ABI3BP: variants seen among roughly 807,000 people sequenced by gnomAD.
ABI3BP encodes the protein target of Nesh-SH3.
ABI3BP carries 216 observed loss-of-function variants against 268.6 expected under a neutral mutation model. The observed-to-expected ratio is 0.80, with a 90% CI of 0.72 to 0.90. ABI3BP has a LOEUF of 0.90. Ranked by LOEUF, ABI3BP falls within the 40% of genes least tolerant of loss-of-function variation. The probability of loss-of-function intolerance (pLI) is 0.00; values close to 1 mark genes in which losing one functional copy is unlikely to be tolerated. For synonymous variants in ABI3BP, 730 were observed against 730.0 expected (o/e 1.00, Z 0.00); for missense variants, 2,090 against 2,182.4 (o/e 0.96, Z 0.84).
intron 27 of ABI3BP, among the ~76,000 whole-genome samples, chr3:100,836,013 A>G (rs573230613): frequency 1.4e-4 from 21 of 152,276 alleles, no homozygotes; most frequent in African/African-American, 4.6e-4. Flanking sequence ...AAAAGTTTTC[A>G]CCACCATTAT....
chr3:100,902,644 G>T lies in ABI3BP; in HGVS notation c.302C>A (p.Pro101His), dbSNP rs762572353. The T allele has an allele frequency of 6.2e-7, 1 of 1,613,920 alleles. No individual in the cohort carries two copies. The highest frequency in any genetic ancestry group is 1.7e-5 in the Admixed American group (1 of 60,020). Reference sequence around the variant, plus strand: ...TGAACATGACTTCTTTTGACTTGGAGGTGGAGCAGGTCGCACAACTATCAG... The same window carrying T: ...TGAACATGACTTCTTTTGACTTGGATGTGGAGCAGGTCGCACAACTATCAG... ...KYLIVVRPAP[P>H]PSQKKSCSGK... The change falls in exon 3 of 68, where the codon CCT (proline) becomes CAT (histidine). Residue 101 changes from proline (P) to histidine (H), a missense_variant. Coordinates refer to ENST00000471714, the MANE Select transcript of ABI3BP (RefSeq NM_001375547.2).
intron 63 of ABI3BP, among the ~76,000 whole-genome samples, chr3:100,757,611 T>C (rs1311601013): frequency 6.6e-6 from 1 of 152,240 alleles, no homozygotes. Context: ...TTTATTTCTT[T>C]AGTGCTACAA....
chr3:100,794,773 T>C, intron 54 of ABI3BP, 150 bp downstream of exon 54: 1 of 615,940 alleles, frequency 1.6e-6, no homozygotes, highest in South Asian at 2.1e-5. Flanking sequence ...TTAGGACAAA[T>C]ACACAGTTAA....
At chr3:100,894,753 C>T (rs895507714) in intron 4 of ABI3BP, among the ~76,000 whole-genome samples, 1 of 151,714 alleles carries the variant, frequency 6.6e-6, no homozygotes. Context: ...TCCTGGCTAA[C>T]ACGGTGAAAC....
At chr3:100,975,254 G>T (rs1027801987) in intron 1 of ABI3BP, among the ~76,000 whole-genome samples, 2 of 152,102 alleles carry the variant, frequency 1.3e-5, no homozygotes, top group Non-Finnish European at 2.9e-5. Flanking sequence ...ATTAGAAGAT[G>T]CTTCCTTGTA....
intron 1 of ABI3BP, among the ~76,000 whole-genome samples, chr3:100,979,647 A>C (rs1228853725): frequency 6.6e-6 from 1 of 152,238 alleles, no homozygotes; most frequent in Non-Finnish European, 1.5e-5. Context: ...GAAACCTTAC[A>C]GATGACATCT....
At chr3:100,884,528 C>CT (rs796231090) in intron 6 of ABI3BP, among the ~76,000 whole-genome samples, 2 of 152,102 alleles carry the variant, frequency 1.3e-5, no homozygotes, top group East Asian at 3.9e-4. Context: ...ACCAATCTTC[C>CT]TTTTTTTGTT....
At position 100,757,928 on chromosome 3, in the gene ABI3BP, AAATT is replaced by A. The variant is rs2095712772; in HGVS notation, c.4851-3241_4851-3238del. ...AAAACTGTACATATATTTCTGATGA[AAATT>A]AAAGAACTATAAGACCTACCACATC... is the stretch of plus-strand genomic sequence containing the variant. On this transcript the variant is annotated intron_variant, in intron 63 of 67. Transcript: ENST00000471714. 2.6e-5 allele frequency among the ~76,000 whole-genome samples: 4 copies of A among 152,286 alleles called. No homozygotes were observed. In the South Asian group the frequency reaches 8.3e-4, roughly 32 times the overall value.
chr3:100,868,612 C>G (rs2099077409), intron 9 of ABI3BP, among the ~76,000 whole-genome samples: 1 of 152,164 alleles, frequency 6.6e-6, no homozygotes, highest in Non-Finnish European at 1.5e-5. Flanking sequence ...TCAATCCCTA[C>G]TTGATAAAGG....
intron 6 of ABI3BP, among the ~76,000 whole-genome samples, chr3:100,878,100 TAATC>T (rs1400504189): frequency 1.3e-5 from 2 of 152,234 alleles, no homozygotes; most frequent in Non-Finnish European, 2.9e-5. Context: ...CCTAAGGAAT[TAATC>T]AAAGACAGTG....
intron 58 of ABI3BP, among the ~76,000 whole-genome samples, chr3:100,779,668 A>G (rs1233419222): frequency 1.3e-5 from 2 of 152,078 alleles, no homozygotes; most frequent in South Asian, 2.1e-4. Context: ...TGACATTAAT[A>G]AAAGTCTTTA....
At chr3:100,816,186 A>G in intron 43 of ABI3BP, 1 of 517,160 alleles carries the variant, frequency 1.9e-6, no homozygotes, top group Non-Finnish European at 3.4e-6. Context: ...TCTGTTACAT[A>G]TCTTGATATT....
intron 51 of ABI3BP, among the ~76,000 whole-genome samples, chr3:100,803,070 T>A (rs2097576159): frequency 6.8e-6 from 1 of 146,026 alleles, no homozygotes; most frequent in Non-Finnish European, 1.6e-5. Flanking sequence ...AGAACCCTGA[T>A]CATATGGCAG....
intron 1 of ABI3BP, among the ~76,000 whole-genome samples, chr3:100,979,635 C>T (rs1042919042): frequency 3.3e-5 from 5 of 152,168 alleles, no homozygotes; most frequent in African/African-American, 4.8e-5. Flanking sequence ...TGGGACACCA[C>T]GGAAACCTTA....
chr3:100,873,434 G>A (rs1405688260), intron 9 of ABI3BP, among the ~76,000 whole-genome samples: 1 of 152,086 alleles, frequency 6.6e-6, no homozygotes, highest in Non-Finnish European at 1.5e-5. Flanking sequence ...GGCAGGGAGG[G>A]AAAGGGGGAA....
intron 19 of ABI3BP, among the ~76,000 whole-genome samples, chr3:100,846,760 CTAAT>C (rs2152990542): frequency 6.6e-6 from 1 of 152,198 alleles, no homozygotes; most frequent in Admixed American, 6.5e-5. Flanking sequence ...AAAAATCAGT[CTAAT>C]TATTTTGCAC....
At chr3:100,862,486 G>T (rs2099009105) in intron 13 of ABI3BP, 101 bp from the exon 14 acceptor site, 1 of 724,464 alleles carries the variant, frequency 1.4e-6, no homozygotes, top group Non-Finnish European at 2.3e-6. Context: ...GCTACCAGAA[G>T]CCTGCAGTAT....
At chr3:100,800,449 G>A (rs2152324622) in intron 51 of ABI3BP, among the ~76,000 whole-genome samples, 1 of 152,220 alleles carries the variant, frequency 6.6e-6, no homozygotes, top group Admixed American at 6.5e-5. Flanking sequence ...CATATGGCCA[G>A]GAATGTAGTC....
chr3:100,857,501 T>C (rs549549510), intron 14 of ABI3BP, among the ~76,000 whole-genome samples: 1 of 152,210 alleles, frequency 6.6e-6, no homozygotes, highest in Non-Finnish European at 1.5e-5. Flanking sequence ...CACAGATTTG[T>C]GATCACATTC....
Sources: allele counts gnomAD v4.1 joint callset (sites outside exome capture counted in the v4.1 genomes callset), GRCh38; gene constraint gnomAD v4.1.1; transcripts MANE v1.5; gene names NCBI Gene and HGNC (gene_info 2026-07-23, HGNC 2026-07-21).